Variants in ROBO2 observed in about 807,000 individuals in gnomAD.
ROBO2 encodes roundabout homolog 2.
ROBO2 carries 53 observed loss-of-function variants against 160.8 expected under a neutral mutation model. The ratio of observed to expected loss-of-function variants is 0.33; its 90% confidence interval spans 0.26 to 0.41. The LOEUF is 0.41. Among genes scored for constraint, ROBO2 ranks in the 10% least tolerant of loss-of-function variants. The probability of loss-of-function intolerance (pLI) is 1.00; values close to 1 mark genes in which losing one functional copy is unlikely to be tolerated. For missense variants in ROBO2, 1,577 were observed against 1,722.4 expected (o/e 0.92, Z 1.49); for synonymous variants, 664 against 611.7 (o/e 1.09, Z -1.26).
chr3:76,860,836 C>G (rs1194351300), intron 2 of ROBO2, among the ~76,000 whole-genome samples: 1 of 152,114 alleles, frequency 6.6e-6, no homozygotes, highest in East Asian at 1.9e-4. Context: ...AAACAAGACG[C>G]CTTTTCTCTC....
intron 5 of ROBO2, among the ~76,000 whole-genome samples, chr3:77,503,520 T>C (rs1280889212): frequency 3.4e-5 from 5 of 148,334 alleles, no homozygotes; most frequent in South Asian, 2.1e-4. Flanking sequence ...AGAGAGTCCG[T>C]CTCTAAATAA....
chr3:76,631,755 G>A (rs562417531), intron 2 of ROBO2, among the ~76,000 whole-genome samples: 2 of 152,192 alleles, frequency 1.3e-5, no homozygotes, highest in African/African-American at 4.8e-5. Context: ...TGTTAAACCT[G>A]GCTTCTTGGT....
chr3:77,330,034 C>CT (rs937920198), intron 2 of ROBO2, among the ~76,000 whole-genome samples: 3 of 152,168 alleles, frequency 2.0e-5, no homozygotes, highest in Admixed American at 6.5e-5. Context: ...TCTACTTTTC[C>CT]TTTTTTTCTT....
At chr3:77,308,153 T>A (rs2063252216) in intron 2 of ROBO2, among the ~76,000 whole-genome samples, 1 of 151,632 alleles carries the variant, frequency 6.6e-6, no homozygotes, top group Admixed American at 6.6e-5. Context: ...AATCTGCATA[T>A]AAGGAGAGTT....
chr3:77,276,639 C>G (rs1345611724), intron 2 of ROBO2, among the ~76,000 whole-genome samples: 1 of 152,124 alleles, frequency 6.6e-6, no homozygotes, highest in Non-Finnish European at 1.5e-5. Context: ...TTGGTTCCAG[C>G]TACTCGGGAG....
intron 2 of ROBO2, among the ~76,000 whole-genome samples, chr3:77,467,110 C>T (rs2082847014): frequency 6.6e-6 from 1 of 152,116 alleles, no homozygotes; most frequent in Non-Finnish European, 1.5e-5. Flanking sequence ...TAATGCAGCA[C>T]ATTAATATGT....
At chr3:76,214,812 A>C (rs1391174759) in intron 2 of ROBO2, among the ~76,000 whole-genome samples, 2 of 152,264 alleles carry the variant, frequency 1.3e-5, no homozygotes, top group African/African-American at 2.4e-5. Flanking sequence ...TTGAAGAGAG[A>C]AGTCGTTCTC....
intron 2 of ROBO2, among the ~76,000 whole-genome samples, chr3:75,952,237 C>T (rs912343493): frequency 2.0e-5 from 3 of 151,896 alleles, no homozygotes; most frequent in African/African-American, 7.2e-5. Context: ...ATTGATTTAA[C>T]TATAAAATGG....
At chr3:77,288,756 A>G (rs760444219) in intron 2 of ROBO2, among the ~76,000 whole-genome samples, 1 of 152,048 alleles carries the variant, frequency 6.6e-6, no homozygotes, top group Non-Finnish European at 1.5e-5. Flanking sequence ...GTACTGGGGA[A>G]AAAAAAGGAG....
intron 2 of ROBO2, among the ~76,000 whole-genome samples, chr3:76,948,484 A>G (rs1433367142): frequency 1.3e-5 from 2 of 151,374 alleles, no homozygotes; most frequent in South Asian, 4.2e-4. Flanking sequence ...CTACATTGTC[A>G]GTAATTCTTT....
chr3:77,468,218 T>C (rs943861703), intron 2 of ROBO2, among the ~76,000 whole-genome samples: 12 of 152,170 alleles, frequency 7.9e-5, no homozygotes, highest in African/African-American at 2.9e-4. Flanking sequence ...CCCTGTCAAA[T>C]ATCACATGCT....
chr3:76,279,938 C>T (rs1708143265), intron 2 of ROBO2, among the ~76,000 whole-genome samples: 1 of 151,838 alleles, frequency 6.6e-6, no homozygotes, highest in Admixed American at 6.6e-5. Flanking sequence ...GGGCCTAGTC[C>T]CAGACCTTGA....
chr3:77,098,391 A>G, intron 2 of ROBO2, 51 bp downstream of exon 2: 3 of 1,584,918 alleles, frequency 1.9e-6, no homozygotes, highest in Non-Finnish European at 1.7e-6. Context: ...ATTTATTTCA[A>G]GTAAGTTTTG....
intron 2 of ROBO2, among the ~76,000 whole-genome samples, chr3:76,649,333 G>T (rs1470832033): frequency 6.6e-6 from 1 of 152,100 alleles, no homozygotes; most frequent in Non-Finnish European, 1.5e-5. Context: ...TTCACACACT[G>T]CTACTCCAGC....
At chr3:76,446,330 C>A (rs899840624) in intron 2 of ROBO2, among the ~76,000 whole-genome samples, 2 of 152,134 alleles carry the variant, frequency 1.3e-5, no homozygotes, top group African/African-American at 2.4e-5. Context: ...ATCCCACTTA[C>A]AAGGGATATG....
chr3:77,131,524 A>G (rs1004586208), intron 2 of ROBO2, among the ~76,000 whole-genome samples: 1 of 152,234 alleles, frequency 6.6e-6, no homozygotes, highest in Admixed American at 6.5e-5. Flanking sequence ...CCAACAAACA[A>G]AAATCAATAG....
At chr3:76,693,406 CTATA>C (rs1055093049) in intron 2 of ROBO2, among the ~76,000 whole-genome samples, 4 of 149,642 alleles carry the variant, frequency 2.7e-5, no homozygotes, top group East Asian at 2.0e-4. Flanking sequence ...TGTATGTAAA[CTATA>C]TATATACACT....
chr3:76,460,241 A>G (rs532540659), intron 2 of ROBO2, among the ~76,000 whole-genome samples: 2 of 152,174 alleles, frequency 1.3e-5, no homozygotes, highest in Non-Finnish European at 2.9e-5. Context: ...AGAAAAAAAA[A>G]TAGGAAACCT....
chr3:77,289,452 A>G (rs1484585274), intron 2 of ROBO2, among the ~76,000 whole-genome samples: 1 of 151,926 alleles, frequency 6.6e-6, no homozygotes, highest in Non-Finnish European at 1.5e-5. Flanking sequence ...AGTAAAATTG[A>G]TGGTTAAATG....
Sources: gnomAD v4.1 joint callset for allele counts (sites outside exome capture counted in the v4.1 genomes callset) on GRCh38, gnomAD v4.1.1 for gene constraint, MANE v1.5 for transcripts, NCBI Gene and HGNC (gene_info 2026-07-23, HGNC 2026-07-21) for gene names.